The following SLC38A6 variants were observed in gnomAD, a reference collection of about 807,000 sequenced individuals.
SLC38A6 encodes the protein solute carrier family 38 member 6, also known as N system amino acid transporter NAT-1.
SLC38A6 carries 73 observed loss-of-function variants against 65.0 expected under a neutral mutation model. The ratio of observed to expected loss-of-function variants is 1.12; its 90% CI spans 0.93 to 1.37. The LOEUF (loss-of-function observed/expected upper bound fraction) is 1.37. SLC38A6 is among the 40% of genes most tolerant of loss of function. The probability of loss-of-function intolerance (pLI) is 0.00; values close to 1 mark genes in which losing one functional copy is unlikely to be tolerated. For missense variants in SLC38A6, 561 were observed against 531.1 expected, an observed-to-expected ratio of 1.06 and a Z score of -0.55; for synonymous variants, 183 against 178.8, an observed-to-expected ratio of 1.02 and a Z score of -0.19.
chr14:61,010,716 G>A (rs1468647704), intron 3 of SLC38A6, among the ~76,000 whole-genome samples: 3 of 152,094 alleles, frequency 2.0e-5, no homozygotes, highest in Non-Finnish European at 4.4e-5. Context: ...TATTTCTGAG[G>A]GCTCTGTTGT....
At position 61,030,771 on chromosome 14, in the gene SLC38A6, G is replaced by C. The variant is rs2040933652; in HGVS notation, c.482+248G>C. Reference sequence around the variant, plus strand: ...CCAGATATAATCCTTGCATTCCTTGGGGGTGTGAGATAGGCTAAGACAGGT... The same window carrying C: ...CCAGATATAATCCTTGCATTCCTTGCGGGTGTGAGATAGGCTAAGACAGGT... On this transcript the variant is annotated intron_variant, in intron 6 of 15. Coordinates refer to ENST00000267488, the MANE Select transcript of SLC38A6 (RefSeq NM_153811.3). The C allele has an allele frequency of 1.6e-5, 5 of 316,352 alleles. No homozygotes were observed. The East Asian group carries it at 3.1e-4, about 20-fold the overall frequency. The allele number at this position is 316,352 out of a possible 1,614,324, so 19.6% of individuals were successfully genotyped here. A position where few individuals can be genotyped will look rare whatever the true frequency, so the allele number is the denominator to read the frequency against.
chr14:61,020,147 T>TA (rs2040267566), intron 5 of SLC38A6, among the ~76,000 whole-genome samples: 1 of 152,160 alleles, frequency 6.6e-6, no homozygotes, highest in Non-Finnish European at 1.5e-5. Context: ...TATGTAGAAA[T>TA]AAAACTACTG....
At chr14:61,072,634 G>GTCTT (rs2043268301) in intron 15 of SLC38A6, among the ~76,000 whole-genome samples, 1 of 152,122 alleles carries the variant, frequency 6.6e-6, no homozygotes. Flanking sequence ...TTTGATGTTT[G>GTCTT]TCTTTCTGTG....
chr14:60,996,865 G>T (rs1460666177), intron 3 of SLC38A6, among the ~76,000 whole-genome samples: 2 of 152,174 alleles, frequency 1.3e-5, no homozygotes, highest in Non-Finnish European at 1.5e-5. Flanking sequence ...GGGGGGAAAT[G>T]ATTTTAATAT....
In SLC38A6 at chr14:61,011,870, T is replaced by C. The variant is rs1196850827; in HGVS notation, c.311-4034T>C. Among the ~76,000 whole-genome samples the C allele has an allele frequency of 2.6e-5, 4 of 152,210 alleles. No individual in the cohort carries two copies. In the East Asian group the frequency reaches 7.7e-4, roughly 29 times the overall value. ...TTTTTTGGTTGTGTCTCTGCCAGAC[T>C]TTGGTATCAGGATAATGCTGGCCTC... On this transcript the variant is annotated intron_variant, in intron 3 of 15. Coordinates refer to ENST00000267488, the MANE Select transcript of SLC38A6 (RefSeq NM_153811.3).
At position 61,075,823 on chromosome 14, in the gene SLC38A6, GTGTGTGTGTA is replaced by G. The variant is rs1555362474; in HGVS notation, c.1291-2983_1291-2974del. ...TGTGTGTGTGTGTGTGTGTGTGTGT[GTGTGTGTGTA>G]TGTATTTGGGATCAGAGCCACTCAA... On this transcript the variant is annotated intron_variant, in intron 15 of 16. Coordinates refer to the SLC38A6 transcript ENST00000354886. Among the ~76,000 whole-genome samples the G allele has an allele frequency of 8.4e-5, 12 of 143,132 alleles. No homozygotes were observed. The East Asian group carries it at 9.9e-4, about 12-fold the overall frequency. 93.9% of individuals were successfully genotyped at this position (143,132 alleles called of 152,430 possible).
rs531721312 is a variant in SLC38A6, at chr14:61,026,757, G to A, written c.404-3688G>A. 9.6e-4 allele frequency among the ~76,000 whole-genome samples: 146 copies of A among 151,476 alleles called. 1 individual carries two copies. In the South Asian group the frequency reaches 0.015, roughly 15 times the overall value. On this transcript the variant is annotated intron_variant, in intron 5 of 15. Transcript: ENST00000267488. ...GGGCTGTTTGCACCATCACTAGCTT[G>A]GGCAAGTTACTTCTTTGTGCTTCCT...
At chr14:61,079,820 A>G (rs2043573714) in intron 16 of SLC38A6, among the ~76,000 whole-genome samples, 1 of 152,140 alleles carries the variant, frequency 6.6e-6, no homozygotes. Flanking sequence ...TTGATGGTTT[A>G]AGAGTGTGCC....
chr14:61,030,297 G>GTGTGTA (rs2040888952), intron 5 of SLC38A6, 148 bp from the exon 6 acceptor site: 1 of 464,288 alleles, frequency 2.2e-6, no homozygotes. Flanking sequence ...GTGTGTGTGT[G>GTGTGTA]TGTATGTATC....
intron 4 of SLC38A6, among the ~76,000 whole-genome samples, chr14:61,019,220 G>A (rs1042573421): frequency 6.6e-6 from 1 of 152,138 alleles, no homozygotes. Flanking sequence ...AGAAGGGAAT[G>A]AGACACCACT....
chr14:61,078,275 A>G (rs560845412), intron 15 of SLC38A6, among the ~76,000 whole-genome samples: 32 of 152,356 alleles, frequency 2.1e-4, no homozygotes, highest in South Asian at 4.1e-4. Context: ...TGAAGAAAGC[A>G]ACAACTGAAG....
At chr14:61,040,963 A>T (rs1198968371) in intron 8 of SLC38A6, among the ~76,000 whole-genome samples, 1 of 152,184 alleles carries the variant, frequency 6.6e-6, no homozygotes, top group Non-Finnish European at 1.5e-5. Flanking sequence ...ATAAATAAGT[A>T]TTGATATATT....
chr14:60,981,582 A>T, intron 1 of SLC38A6, 200 bp downstream of exon 1: 2 of 1,517,574 alleles, frequency 1.3e-6, no homozygotes, highest in Non-Finnish European at 8.8e-7. Context: ...AGCCTAGCAT[A>T]CTCTAGAAAG....
intron 15 of SLC38A6, among the ~76,000 whole-genome samples, chr14:61,074,615 A>G (rs2043335950): frequency 1.3e-5 from 2 of 152,094 alleles, no homozygotes; most frequent in African/African-American, 4.8e-5. Flanking sequence ...GGGCCTCAAT[A>G]TGAATTGAGG....
chr14:61,022,244 C>A (rs184178103), intron 5 of SLC38A6, among the ~76,000 whole-genome samples: 1 of 152,180 alleles, frequency 6.6e-6, no homozygotes, highest in African/African-American at 2.4e-5. Flanking sequence ...GCCCTAAAAG[C>A]ATTCATGGAT....
intron 4 of SLC38A6, 75 bp downstream of exon 4, chr14:61,016,031 A>C: frequency 9.2e-7 from 1 of 1,085,158 alleles, no homozygotes; most frequent in Non-Finnish European, 1.3e-6. Flanking sequence ...TAAAAGAGAC[A>C]AGTATATACA....
At chr14:61,078,819 C>T (rs1324133437) in exon 16 of SLC38A6, 1 of 206,694 alleles carries the variant, frequency 4.8e-6, no homozygotes, top group South Asian at 7.9e-5. Context: ...GGGTCTCATT[C>T]TGTCGCACAG....
intron 4 of SLC38A6, among the ~76,000 whole-genome samples, chr14:61,016,355 T>G (rs1474369660): frequency 6.6e-6 from 1 of 152,198 alleles, no homozygotes; most frequent in African/African-American, 2.4e-5. Context: ...ACAAAACCAG[T>G]AATCAGAAGA....
At chr14:61,045,695 C>A (rs954394716) in intron 11 of SLC38A6, among the ~76,000 whole-genome samples, 7 of 151,894 alleles carry the variant, frequency 4.6e-5, no homozygotes, top group African/African-American at 1.5e-4. Flanking sequence ...ACCAGCCTGG[C>A]CAACATGGTG....
Sources: allele counts gnomAD v4.1 joint callset (sites outside exome capture counted in the v4.1 genomes callset), GRCh38; gene constraint gnomAD v4.1.1; transcripts MANE v1.5; gene names NCBI Gene and HGNC (gene_info 2026-07-23, HGNC 2026-07-21).